The following CACNA1B variants were observed in gnomAD, a reference collection of about 807,000 sequenced individuals.
CACNA1B encodes voltage-dependent N-type calcium channel subunit alpha-1B.
CACNA1B carries 70 observed loss-of-function variants against 247.2 expected under a neutral mutation model. The observed-to-expected ratio is 0.28, with a 90% CI of 0.23 to 0.35. The LOEUF (loss-of-function observed/expected upper bound fraction) is 0.35, where lower values mean the gene tolerates loss of function less well. CACNA1B is among the 10% of genes least tolerant of loss of function. The pLI is 1.00. For missense variants in CACNA1B, 2,367 were observed against 3,197.4 expected (o/e 0.74, Z 6.26); for synonymous variants, 1,231 against 1,294.4 (o/e 0.95, Z 1.05).
chr9:137,911,879 G>C (rs2133275463), intron 3 of CACNA1B, among the ~76,000 whole-genome samples: 1 of 152,318 alleles, frequency 6.6e-6, no homozygotes, highest in African/African-American at 2.4e-5. Flanking sequence ...GCATATGAGA[G>C]AAGGACCGGA....
Position 137,882,846 on chromosome 9 carries a change from G to A in CACNA1B, c.493G>A (p.Gly165Ser), listed in dbSNP as rs199937787. The A allele has an allele frequency of 3.1e-6, 5 of 1,613,948 alleles. No individual in the cohort carries two copies. Among genetic ancestry groups the A allele is most frequent in the Non-Finnish European group, 4.2e-6 (5 of 1,179,860 alleles). ...VFHKGSYLRN[G>S]WNVMDFVVVL... ...CCACAAGGGCTCTTACCTGCGGAAC[G>A]GCTGGAACGTCATGGACTTCGTGGT... Residue 165 changes from glycine to serine, a missense_variant, in exon 3 of 47, where the codon GGC becomes AGC. Transcript: ENST00000371372. This position sits in a 1 kb window ranked among gnomAD's most constrained non-coding sequence, Gnocchi z 4.0.
Position 138,025,170 on chromosome 9 carries a change from C to T in CACNA1B, c.3284C>T (p.Pro1095Leu). Residue 1095 changes from proline to leucine, a missense_variant and splice_region_variant, in exon 20 of 47, where the codon CCC (proline) becomes CTC (leucine). Pro to Leu is a moderately conservative substitution (Grantham distance 98). Transcript: ENST00000371372. The part of the protein sequence containing the change: ...TGPLGEATVV[P>L]SGNVDLESQA... ...CCTCTTGGGGAAGCCACGGTCGTTC[C>T]CAGTGAGTATCTCCCTGTGCCAGTG... The T allele has an allele frequency of 3.1e-6, 5 of 1,601,772 alleles. No homozygotes were observed. Among genetic ancestry groups the T allele is most frequent in the Non-Finnish European group, 4.3e-6 (5 of 1,172,200 alleles).
intron 38 of CACNA1B, among the ~76,000 whole-genome samples, 157 bp from the exon 39 acceptor site, chr9:138,105,542 A>G (rs1961392773): frequency 6.6e-6 from 1 of 152,084 alleles, no homozygotes; most frequent in Non-Finnish European, 1.5e-5. Flanking sequence ...GAATGCTGGC[A>G]AAACTCCCAC....
At chr9:138,004,669 T>G (rs1272127140) in intron 15 of CACNA1B, among the ~76,000 whole-genome samples, 1 of 152,208 alleles carries the variant, frequency 6.6e-6, no homozygotes, top group Admixed American at 6.5e-5. Flanking sequence ...GTATGCAGTA[T>G]TCTGTTTATA....
chr9:138,111,646 A>G (rs191404193), intron 39 of CACNA1B, among the ~76,000 whole-genome samples: 24 of 152,354 alleles, frequency 1.6e-4, no homozygotes, highest in Admixed American at 1.4e-3. Flanking sequence ...ATTGTACCTT[A>G]ATAAACCTGA....
At chr9:137,879,841 G>A (rs886182100) in intron 2 of CACNA1B, among the ~76,000 whole-genome samples, 1 of 152,204 alleles carries the variant, frequency 6.6e-6, no homozygotes, top group African/African-American at 2.4e-5. Flanking sequence ...CTGGGTCAGA[G>A]GAAGGGCAGC....
intron 6 of CACNA1B, among the ~76,000 whole-genome samples, chr9:137,926,691 C>T (rs1022617778): frequency 2.0e-5 from 3 of 152,222 alleles, no homozygotes; most frequent in African/African-American, 7.2e-5. Flanking sequence ...TGCACATCCT[C>T]ACCAATACTT....
At chr9:137,956,598 G>C (rs1957951745) in intron 8 of CACNA1B, among the ~76,000 whole-genome samples, 173 bp from the exon 9 acceptor site, 1 of 151,352 alleles carries the variant, frequency 6.6e-6, no homozygotes, top group South Asian at 2.1e-4. Context: ...AGGTTGCAGT[G>C]AGCCGAGATT....
chr9:137,879,005 C>A lies in CACNA1B; in HGVS notation c.285-49C>A, dbSNP rs202000514. 9.5e-4 allele frequency: 1,201 copies of A among 1,261,026 alleles called. 7 individuals carry two copies. In the African/African-American group the frequency reaches 0.015, roughly 16 times the overall value. 78.1% of individuals were successfully genotyped at this position (1,261,026 alleles called of 1,614,324 possible). On this transcript the variant is annotated intron_variant, in intron 1 of 46. Coordinates refer to ENST00000371372, the MANE Select transcript of CACNA1B (RefSeq NM_000718.4). ...CACTGGGCTCTGCTGGCGTCGGCCT[C>A]GTGTTTCCCTCCGTGCGGCGTCTGC...
intron 12 of CACNA1B, 81 bp downstream of exon 12, chr9:137,976,100 A>T: frequency 3.5e-6 from 3 of 865,516 alleles, no homozygotes; most frequent in South Asian, 1.4e-5. Flanking sequence ...GGCCATGCCC[A>T]GTGTGGGCTG....
At chr9:137,909,099 TCC>T (rs1957331973) in intron 3 of CACNA1B, among the ~76,000 whole-genome samples, 2 of 151,454 alleles carry the variant, frequency 1.3e-5, no homozygotes, top group Admixed American at 1.3e-4. Context: ...CCAGCGATTC[TCC>T]CACCTCAGCC....
intron 32 of CACNA1B, among the ~76,000 whole-genome samples, chr9:138,070,903 C>T (rs1307520275): frequency 6.6e-6 from 1 of 152,260 alleles, no homozygotes; most frequent in Non-Finnish European, 1.5e-5. Flanking sequence ...TCTGCACCTG[C>T]TGGGCCTTGT....
In CACNA1B at chr9:138,043,954, G is replaced by A. The variant is rs1001255086; in HGVS notation, c.3413+54G>A. The A allele has an allele frequency of 8.2e-6, 13 of 1,591,116 alleles. No homozygotes were observed. In the East Asian group the frequency reaches 2.9e-4, roughly 36 times the overall value. On this transcript the variant is annotated intron_variant, in intron 21 of 46. Transcript: ENST00000371372. The stretch of plus-strand genomic sequence containing the variant: ...GGCCGCCCACTCACCCATGCATCAT[G>A]ACCCGTGGGATCTCAGTAGCCAGCG...
intron 12 of CACNA1B, among the ~76,000 whole-genome samples, chr9:137,978,226 C>T (rs1353072045): frequency 1.4e-5 from 2 of 138,134 alleles, no homozygotes; most frequent in African/African-American, 2.8e-5. Context: ...GATCACTACT[C>T]CCCCAGGAAG....
At chr9:138,080,650 T>C (rs1393881390) in intron 36 of CACNA1B, among the ~76,000 whole-genome samples, 1 of 152,046 alleles carries the variant, frequency 6.6e-6, no homozygotes, top group African/African-American at 2.4e-5. Context: ...GCAAGCCAGG[T>C]GCTAAGTTTT....
At position 138,100,960 on chromosome 9, in the gene CACNA1B, G is replaced by A. The variant is rs953971976; in HGVS notation, c.5223-1751G>A. On this transcript the variant is annotated intron_variant, in intron 37 of 46. Coordinates refer to ENST00000371372, the MANE Select transcript of CACNA1B (RefSeq NM_000718.4). The surrounding 1 kb of genome is among the most constrained non-coding windows in gnomAD (Gnocchi z 4.6). The stretch of plus-strand genomic sequence containing the variant: ...GGGGAGCTCCAAGCCCCAGTACCCC[G>A]GCGAGGTGCCACCTGTCCAGTGCAC... 3.2e-5 allele frequency: 13 copies of A among 402,970 alleles called. No homozygotes were observed. The highest frequency in any genetic ancestry group is 1.2e-4 in the African/African-American group (6 of 48,954). 25.0% of individuals were successfully genotyped at this position (402,970 alleles called of 1,614,324 possible).
chr9:137,994,683 G>A (rs554527057), intron 15 of CACNA1B, among the ~76,000 whole-genome samples: 2 of 152,092 alleles, frequency 1.3e-5, no homozygotes, highest in African/African-American at 2.4e-5. Flanking sequence ...CAAGGGAAAC[G>A]ACAAAACACT....
At chr9:137,970,930 A>G (rs989533681) in intron 10 of CACNA1B, among the ~76,000 whole-genome samples, 4 of 152,212 alleles carry the variant, frequency 2.6e-5, no homozygotes, top group African/African-American at 9.6e-5. Flanking sequence ...CAGGCAGCCC[A>G]TGCGTGCTGA....
intron 12 of CACNA1B, among the ~76,000 whole-genome samples, chr9:137,981,110 C>T (rs1958288720): frequency 6.6e-6 from 1 of 152,120 alleles, no homozygotes; most frequent in Non-Finnish European, 1.5e-5. Flanking sequence ...ATTTACATTC[C>T]CACCAACATC....
Sources: gnomAD v4.1 joint callset for allele counts (sites outside exome capture counted in the v4.1 genomes callset) on GRCh38, gnomAD v4.1.1 for gene constraint, Gnocchi (gnomAD v3.1) non-coding constraint, MANE v1.5 for transcripts, NCBI Gene and HGNC (gene_info 2026-07-23, HGNC 2026-07-21) for gene names.